The following SHTN1 variants were observed in gnomAD, a reference collection of about 807,000 sequenced individuals.
The protein encoded by SHTN1 is shootin-1.
A neutral mutation model predicts 83.1 loss-of-function variants in SHTN1; 42 were observed. The ratio of observed to expected loss-of-function variants is 0.51; its 90% CI spans 0.39 to 0.65. SHTN1 has a LOEUF of 0.65. SHTN1 is among the 30% of genes least tolerant of loss of function. The pLI is 0.00. For missense variants in SHTN1, 622 were observed against 737.8 expected, an observed-to-expected ratio of 0.84 and a Z score of 1.82; for synonymous variants, 224 against 247.7, an observed-to-expected ratio of 0.90 and a Z score of 0.90.
At chr10:116,963,225 T>C (rs980424458) in intron 3 of SHTN1, among the ~76,000 whole-genome samples, 16 of 149,964 alleles carry the variant, frequency 1.1e-4, no homozygotes, top group African/African-American at 2.2e-4. Flanking sequence ...GCGCCCGCCA[T>C]CACGCCCGGC....
chr10:117,003,604 C>T (rs1851897400), intron 1 of SHTN1, among the ~76,000 whole-genome samples: 1 of 151,870 alleles, frequency 6.6e-6, no homozygotes, highest in East Asian at 1.9e-4. Flanking sequence ...GGTAAGAGTA[C>T]TGGACAGGAC....
intron 3 of SHTN1, among the ~76,000 whole-genome samples, chr10:116,962,556 A>G (rs1162486073): frequency 2.0e-5 from 3 of 152,244 alleles, no homozygotes; most frequent in East Asian, 1.9e-4. Context: ...TTTTTATTCA[A>G]TAACATTCTT....
chr10:117,070,173 G>T lies in SHTN1; in HGVS notation c.-188-21663C>A, dbSNP rs10787753. ...TGCATTGATGCCCATAATGGACCCCGAAGTCAATATTAAGCATGTTAGTCA... is the reference window on the plus strand; with the variant it reads ...TGCATTGATGCCCATAATGGACCCCTAAGTCAATATTAAGCATGTTAGTCA... On this transcript the variant is annotated intron_variant, in intron 1 of 17. Transcript: ENST00000392901. Among the ~76,000 whole-genome samples, 267 of 151,588 alleles carry T rather than the reference G, an allele frequency of 1.8e-3. 2 individuals carry two copies. Among genetic ancestry groups the T allele is most frequent in the African/African-American group, 6.3e-3 (259 of 41,288 alleles).
At chr10:116,979,862 C>T (rs1416921063) in intron 1 of SHTN1, among the ~76,000 whole-genome samples, 1 of 152,182 alleles carries the variant, frequency 6.6e-6, no homozygotes, top group Non-Finnish European at 1.5e-5. Flanking sequence ...ACACTCGACT[C>T]AATGTCACAC....
chr10:117,041,516 T>G (rs1418622400), intron 2 of SHTN1, among the ~76,000 whole-genome samples: 1 of 152,162 alleles, frequency 6.6e-6, no homozygotes, highest in African/African-American at 2.4e-5. Flanking sequence ...GCATTTCAAT[T>G]TTTTCAGTGA....
rs535654131 is a variant in SHTN1 at position 116,983,131 on chromosome 10, G to A, written c.59-3823C>T. On this transcript the variant is annotated intron_variant, in intron 1 of 16. Coordinates refer to ENST00000355371, the MANE Select transcript of SHTN1 (RefSeq NM_001127211.3). ...TAAAAAGTACATCCTAATGACAGCC[G>A]AGCACTTACTGGCTAGGGGACCTTG... Among the ~76,000 whole-genome samples the A allele has an allele frequency of 7.4e-4, 113 of 152,184 alleles. 2 individuals are homozygous for A. In the South Asian group the frequency reaches 0.022, roughly 29 times the overall value.
intron 2 of SHTN1, among the ~76,000 whole-genome samples, chr10:117,036,134 A>G (rs1852493647): frequency 6.6e-6 from 1 of 152,110 alleles, no homozygotes; most frequent in Non-Finnish European, 1.5e-5. Flanking sequence ...GGGGAGCAAT[A>G]ACAAATGCTG....
chr10:117,033,023 T>G (rs1208918734), intron 2 of SHTN1, among the ~76,000 whole-genome samples: 1 of 152,078 alleles, frequency 6.6e-6, no homozygotes, highest in Non-Finnish European at 1.5e-5. Context: ...CAAAAACCTA[T>G]GGGACAGAGC....
intron 2 of SHTN1, among the ~76,000 whole-genome samples, chr10:117,038,717 C>A (rs1394603806): frequency 2.0e-5 from 3 of 151,298 alleles, no homozygotes; most frequent in African/African-American, 2.4e-5. Flanking sequence ...ATTTAGATGG[C>A]AAATATGCAT....
intron 1 of SHTN1, among the ~76,000 whole-genome samples, chr10:116,990,742 A>C (rs1251724334): frequency 3.3e-5 from 5 of 151,692 alleles, no homozygotes; most frequent in Non-Finnish European, 7.4e-5. Context: ...TGTTTGTCTT[A>C]GTGACTCCTG....
chr10:117,041,730 T>TA (rs1365811770), intron 2 of SHTN1, among the ~76,000 whole-genome samples: 1 of 152,150 alleles, frequency 6.6e-6, no homozygotes, highest in East Asian at 1.9e-4. Flanking sequence ...TTGTCATAAA[T>TA]ATCTACCGCT....
In SHTN1 at chr10:116,960,244, G is replaced by GC; in HGVS notation, c.173-15_173-14insG. 6.9e-7 allele frequency: 1 copy of GC among 1,453,948 alleles called. No homozygotes were observed. The highest frequency in any genetic ancestry group is 9.6e-7 in the Non-Finnish European group (1 of 1,037,752). The allele number at this position is 1,453,948 out of a possible 1,614,324, so 90.1% of individuals were successfully genotyped here. On this transcript the variant is annotated splice_polypyrimidine_tract_variant and intron_variant, in intron 3 of 16. Coordinates refer to ENST00000355371, the MANE Select transcript of SHTN1 (RefSeq NM_001127211.3). Reference sequence around the variant, plus strand: ...CCATGTGAGAAACTAGGAATGAGGGGGAAAAAAAATCTCAGCATTCAAAGA... The same window carrying GC: ...CCATGTGAGAAACTAGGAATGAGGGGCGAAAAAAAATCTCAGCATTCAAAGA...
chr10:117,103,935 A>C (rs1177336450), intron 1 of SHTN1, among the ~76,000 whole-genome samples: 1 of 152,214 alleles, frequency 6.6e-6, no homozygotes, highest in Non-Finnish European at 1.5e-5. Context: ...GGTAATTACA[A>C]ATTAATGAGC....
At chr10:117,090,705 C>T (rs12268087) in intron 1 of SHTN1, among the ~76,000 whole-genome samples, 102,120 of 150,600 alleles carry the variant, frequency 0.68, 37,219 homozygotes, top group Middle Eastern at 0.84. Context: ...AATTTAAAAT[C>T]CGCCCCGTCC....
chr10:116,986,997 G>C (rs1373614147), intron 1 of SHTN1, among the ~76,000 whole-genome samples: 1 of 151,996 alleles, frequency 6.6e-6, no homozygotes, highest in Admixed American at 6.6e-5. Flanking sequence ...AAAGTGCTGG[G>C]ATTACAGGTG....
At position 116,948,960 on chromosome 10, in the gene SHTN1, G is replaced by T; in HGVS notation, c.572C>A (p.Ser191Ter). Residue 191 changes from serine (S) to a stop codon, truncating the protein, a stop_gained, in exon 7 of 17, where the codon TCA becomes TAA. Coordinates refer to ENST00000355371, the MANE Select transcript of SHTN1 (RefSeq NM_001127211.3). LOFTEE classifies it high-confidence loss of function. ...KVKQEKTVLN[S>*]EVLEQRKVLE... The stretch of plus-strand genomic sequence containing the variant: ...GACTTTTCTCTGTTCAAGAACTTCT[G>T]AATTTAAAACAGTCTTTTCTTGTTT... 6.4e-7 allele frequency: 1 copy of T among 1,573,296 alleles called. No homozygotes were observed. Among genetic ancestry groups the T allele is most frequent in the South Asian group, 1.2e-5 (1 of 81,720 alleles).
intron 1 of SHTN1, 101 bp from the exon 2 acceptor site, chr10:116,979,409 A>G (rs1850936435): frequency 3.3e-6 from 3 of 901,610 alleles, no homozygotes; most frequent in Non-Finnish European, 5.4e-6. Flanking sequence ...TACTAGGTTG[A>G]GGTAGGGTGG....
chr10:117,045,776 C>T (rs1179012718), intron 2 of SHTN1, among the ~76,000 whole-genome samples: 1 of 152,088 alleles, frequency 6.6e-6, no homozygotes, highest in East Asian at 1.9e-4. Flanking sequence ...ACAGAGTAAG[C>T]ATCACAACCA....
At chr10:117,110,027 T>A (rs1022727321) in intron 1 of SHTN1, among the ~76,000 whole-genome samples, 3 of 152,284 alleles carry the variant, frequency 2.0e-5, no homozygotes, top group East Asian at 1.9e-4. Flanking sequence ...CTACCTGAGT[T>A]TGTACTGGAT....
Sources: allele counts gnomAD v4.1 joint callset (sites outside exome capture counted in the v4.1 genomes callset), GRCh38; gene constraint gnomAD v4.1.1; transcripts MANE v1.5; gene names NCBI Gene and HGNC (gene_info 2026-07-23, HGNC 2026-07-21).